AGBL4: variants seen among roughly 807,000 people sequenced by gnomAD.
AGBL4 encodes AGBL carboxypeptidase 4.
In AGBL4, 58 loss-of-function variants were observed where a neutral mutation model predicts 66.4. The ratio of observed to expected loss-of-function variants is 0.87; its 90% CI spans 0.71 to 1.09. The LOEUF (loss-of-function observed/expected upper bound fraction) is 1.09, where lower values mean the gene tolerates loss of function less well. AGBL4 is among the 50% of genes least tolerant of loss of function. The pLI, the probability that AGBL4 is intolerant of heterozygous loss-of-function variation, is 0.00. For missense variants in AGBL4, 579 were observed against 631.0 expected (o/e 0.92, Z 0.88); for synonymous variants, 234 against 222.9 (o/e 1.05, Z -0.44).
At chr1:49,549,886 G>A (rs570317174) in intron 3 of AGBL4, among the ~76,000 whole-genome samples, 3 of 152,134 alleles carry the variant, frequency 2.0e-5, no homozygotes, top group East Asian at 1.9e-4. Flanking sequence ...GAGTATTGAC[G>A]TCCCCAACTA....
At chr1:49,016,552 A>T (rs747875493) in intron 5 of AGBL4, among the ~76,000 whole-genome samples, 1 of 152,084 alleles carries the variant, frequency 6.6e-6, no homozygotes, top group Non-Finnish European at 1.5e-5. Flanking sequence ...CTGGGGCCAC[A>T]CTCATGTTAA....
chr1:50,006,691 C>CA (rs2148428857), intron 1 of AGBL4, among the ~76,000 whole-genome samples: 1 of 148,826 alleles, frequency 6.7e-6, no homozygotes. Context: ...AACAAAAGAA[C>CA]AAAAAAACTT....
chr1:48,990,573 A>T (rs1660528511), intron 5 of AGBL4, among the ~76,000 whole-genome samples: 1 of 152,098 alleles, frequency 6.6e-6, no homozygotes, highest in East Asian at 1.9e-4. Context: ...GTATATGGTG[A>T]GAGATAGGAG....
intron 1 of AGBL4, among the ~76,000 whole-genome samples, chr1:49,934,184 A>G (rs1446393492): frequency 6.6e-6 from 1 of 152,216 alleles, no homozygotes; most frequent in Non-Finnish European, 1.5e-5. Flanking sequence ...CAGAACTGAA[A>G]GGAGAAATCA....
intron 2 of AGBL4, among the ~76,000 whole-genome samples, chr1:49,715,592 C>T (rs574573687): frequency 3.3e-5 from 5 of 152,148 alleles, no homozygotes; most frequent in Non-Finnish European, 7.4e-5. Context: ...CAGTGTAAAG[C>T]GTTCCTATCT....
chr1:49,201,316 C>T (rs1647682362), intron 4 of AGBL4, among the ~76,000 whole-genome samples: 1 of 152,142 alleles, frequency 6.6e-6, no homozygotes, highest in Admixed American at 6.6e-5. Context: ...ATTTTATTCC[C>T]TTGCTGGGGA....
intron 3 of AGBL4, among the ~76,000 whole-genome samples, chr1:49,649,910 CA>C (rs1354444829): frequency 6.6e-6 from 1 of 151,846 alleles, no homozygotes; most frequent in Admixed American, 6.6e-5. Context: ...TAAAAAATAT[CA>C]AGAGAATATA....
At chr1:48,541,077 C>A (rs1219277871) in intron 11 of AGBL4, among the ~76,000 whole-genome samples, 2 of 152,222 alleles carry the variant, frequency 1.3e-5, no homozygotes, top group African/African-American at 4.8e-5. Flanking sequence ...CCACCTACTC[C>A]CCTTGCCCTT....
intron 11 of AGBL4, among the ~76,000 whole-genome samples, chr1:48,559,132 C>A (rs1292551866): frequency 6.6e-6 from 1 of 152,054 alleles, no homozygotes; most frequent in Non-Finnish European, 1.5e-5. Flanking sequence ...AATTCAAGTC[C>A]CTGGGAATCA....
intron 3 of AGBL4, among the ~76,000 whole-genome samples, chr1:49,556,707 G>T (rs186040293): frequency 2.6e-5 from 4 of 152,062 alleles, no homozygotes; most frequent in Admixed American, 2.0e-4. Context: ...GCTAGGTGCC[G>T]GCACTCTTCA....
chr1:48,936,250 G>A (rs1237536448), intron 5 of AGBL4, among the ~76,000 whole-genome samples: 1 of 152,122 alleles, frequency 6.6e-6, no homozygotes, highest in Admixed American at 6.5e-5. Flanking sequence ...GTGACAAAGT[G>A]ATATCCTGAC....
intron 3 of AGBL4, among the ~76,000 whole-genome samples, chr1:49,287,620 T>C (rs1348467168): frequency 1.3e-5 from 2 of 152,132 alleles, no homozygotes; most frequent in African/African-American, 2.4e-5. Flanking sequence ...GAAATGCTCA[T>C]CATCACTGGC....
At chr1:49,926,461 A>T (rs1439878233) in intron 1 of AGBL4, among the ~76,000 whole-genome samples, 1 of 152,220 alleles carries the variant, frequency 6.6e-6, no homozygotes, top group Non-Finnish European at 1.5e-5. Context: ...ACAACAAAAA[A>T]TATGTAACTC....
At chr1:49,446,755 G>A (rs1226947161) in intron 3 of AGBL4, among the ~76,000 whole-genome samples, 1 of 152,128 alleles carries the variant, frequency 6.6e-6, no homozygotes, top group Non-Finnish European at 1.5e-5. Context: ...AGCTCAGATT[G>A]AGGAAATAAA....
intron 5 of AGBL4, among the ~76,000 whole-genome samples, chr1:48,989,858 T>A (rs1335260714): frequency 6.6e-6 from 1 of 151,954 alleles, no homozygotes; most frequent in African/African-American, 2.4e-5. Context: ...GTTTCAGATA[T>A]GTCTTCGATA....
chr1:49,018,345 G>C (rs1662980080), intron 5 of AGBL4, among the ~76,000 whole-genome samples: 1 of 152,132 alleles, frequency 6.6e-6, no homozygotes. Context: ...AATGGAGTCA[G>C]AGTTCCCAAG....
At chr1:49,540,512 C>T (rs766182694) in intron 3 of AGBL4, among the ~76,000 whole-genome samples, 20 of 152,160 alleles carry the variant, frequency 1.3e-4, no homozygotes, top group Non-Finnish European at 1.8e-4. Context: ...TATTATTCAT[C>T]TCTAAATCCC....
intron 6 of AGBL4, among the ~76,000 whole-genome samples, chr1:48,675,003 T>C (rs1267184208): frequency 1.3e-5 from 2 of 152,246 alleles, no homozygotes. Flanking sequence ...CCCTGTCTTA[T>C]TCATATCTTC....
chr1:49,470,809 G>A (rs1402892122), intron 3 of AGBL4, among the ~76,000 whole-genome samples: 1 of 152,056 alleles, frequency 6.6e-6, no homozygotes, highest in Non-Finnish European at 1.5e-5. Context: ...CCTTTGAGCT[G>A]CTACTCTAGG....
Sources: allele counts gnomAD v4.1 joint callset (sites outside exome capture counted in the v4.1 genomes callset), GRCh38; gene constraint gnomAD v4.1.1; transcripts MANE v1.5; gene names NCBI Gene and HGNC (gene_info 2026-07-23, HGNC 2026-07-21).